The following SEC61A2 variants were observed in gnomAD, a reference collection of about 807,000 sequenced individuals.
SEC61A2 encodes the protein SEC61 translocon subunit alpha 2.
SEC61A2 carries 28 observed loss-of-function variants against 59.9 expected under a neutral mutation model. That is an observed-to-expected ratio of 0.47 (90% CI 0.35 to 0.64). The LOEUF (loss-of-function observed/expected upper bound fraction) is 0.64. Ranked by LOEUF, SEC61A2 falls within the 30% of genes least tolerant of loss-of-function variation. The pLI, the probability that SEC61A2 is intolerant of heterozygous loss-of-function variation, is 0.01. For missense variants in SEC61A2, 340 were observed against 585.9 expected (o/e 0.58, Z 4.33); for synonymous variants, 202 against 214.4 (o/e 0.94, Z 0.50).
rs992247309 is a variant in SEC61A2, at chr10:12,164,591, T to C, written c.*137T>C. Reference sequence around the variant, plus strand: ...AGTGCTGACTGACCCGTTTCTGAAATGGGCACCGAGCTAAGTCTGTGTGCA... The same window carrying C: ...AGTGCTGACTGACCCGTTTCTGAAACGGGCACCGAGCTAAGTCTGTGTGCA... On this transcript the variant is annotated 3_prime_UTR_variant, in exon 12 of 12. Coordinates refer to ENST00000298428, the MANE Select transcript of SEC61A2 (RefSeq NM_018144.4). This position sits in a 1 kb window ranked among gnomAD's most constrained non-coding sequence, Gnocchi z 7.3. 18 of 1,456,920 alleles carry C rather than the reference T, an allele frequency of 1.2e-5. No homozygotes were observed. In the African/African-American group the frequency reaches 1.7e-4, roughly 14 times the overall value. The allele number at this position is 1,456,920 out of a possible 1,614,324, so 90.2% of individuals were successfully genotyped here. A position where few individuals can be genotyped will look rare whatever the true frequency, so the allele number is the denominator to read the frequency against.
chr10:12,142,460 A>T lies in SEC61A2; in HGVS notation c.142-657A>T. ...TGAGTAAGCATAATTTTTAGTGGCC[A>T]TGTAATATTCCATTGTGGATATCAT... On this transcript the variant is annotated intron_variant, in intron 3 of 11. Coordinates refer to ENST00000298428, the MANE Select transcript of SEC61A2 (RefSeq NM_018144.4). This position sits in a 1 kb window ranked among gnomAD's most constrained non-coding sequence, Gnocchi z 5.4. The T allele has an allele frequency of 1.2e-6, 1 of 868,216 alleles. No homozygotes were observed. The highest frequency in any genetic ancestry group is 5.3e-5 in the South Asian group (1 of 18,960). The allele number at this position is 868,216 out of a possible 1,614,324, so 53.8% of individuals were successfully genotyped here.
Position 12,134,216 on chromosome 10 carries a change from C to A in SEC61A2, c.75+908C>A, listed in dbSNP as rs543031421. On this transcript the variant is annotated intron_variant, in intron 2 of 11. Transcript: ENST00000298428. ...TAGAGACGGGGTTTCACCGTGTTAG[C>A]CAGGATGGTCTCGATCTCCTGACCT... Among the ~76,000 whole-genome samples the A allele has an allele frequency of 2.0e-5, 3 of 152,272 alleles. No homozygotes were observed. The South Asian group carries it at 6.2e-4, about 32-fold the overall frequency.
rs1458153976 is a variant in SEC61A2, at chr10:12,156,589, ACT to A, written c.617-312_617-311del. Among the ~76,000 whole-genome samples, 1 of 152,104 alleles carries A rather than the reference ACT, an allele frequency of 6.6e-6. No homozygotes were observed. The highest frequency in any genetic ancestry group is 1.5e-5 in the Non-Finnish European group (1 of 68,022). On this transcript the variant is annotated intron_variant, in intron 7 of 11. Coordinates refer to ENST00000298428, the MANE Select transcript of SEC61A2 (RefSeq NM_018144.4). This position sits in a 1 kb window ranked among gnomAD's most constrained non-coding sequence, Gnocchi z 5.2. Reference sequence around the variant, plus strand: ...GCTGCTGTTTATTTTTCCTAAAAACACTCTCTCCCTTCCCTGAAGTAGAGGAG... The same window carrying A: ...GCTGCTGTTTATTTTTCCTAAAAACACTCTCCCTTCCCTGAAGTAGAGGAG...
Position 12,160,867 on chromosome 10 carries a change from A to T in SEC61A2, c.976-63A>T, listed in dbSNP as rs10906092. On this transcript the variant is annotated intron_variant, in intron 9 of 11. Coordinates refer to ENST00000298428, the MANE Select transcript of SEC61A2 (RefSeq NM_018144.4). The surrounding 1 kb of genome is among the most constrained non-coding windows in gnomAD (Gnocchi z 4.1). Reference sequence around the variant, plus strand: ...TGTCATTTCTGAGAAGTTTGAAGTGACATGCAAATGTATTCCTGACTAATT... The same window carrying T: ...TGTCATTTCTGAGAAGTTTGAAGTGTCATGCAAATGTATTCCTGACTAATT... 570,259 of 1,356,950 alleles carry T rather than the reference A, an allele frequency of 0.42. 122,001 individuals are homozygous for T. The highest frequency in any genetic ancestry group is 0.52 in the East Asian group (21,874 of 42,322). The allele number at this position is 1,356,950 out of a possible 1,614,324, so 84.1% of individuals were successfully genotyped here.
Position 12,155,145 on chromosome 10 carries a change from ACC to A in SEC61A2, c.463-632_463-631del. Among the ~76,000 whole-genome samples the A allele has an allele frequency of 6.6e-6, 1 of 152,332 alleles. No homozygotes were observed. Among genetic ancestry groups the A allele is most frequent in the South Asian group, 2.1e-4 (1 of 4,824 alleles). Reference sequence around the variant, plus strand: ...TAAAAACAATATGAGCTTAACCTTAACCGTCTTCAAATTTACATTCAATCTTT... The same window carrying A: ...TAAAAACAATATGAGCTTAACCTTAAGTCTTCAAATTTACATTCAATCTTT... On this transcript the variant is annotated intron_variant, in intron 6 of 11. Transcript: ENST00000298428. The surrounding 1 kb of genome is among the most constrained non-coding windows in gnomAD (Gnocchi z 4.3).
At chr10:12,169,360 T>A, downstream of SEC61A2, 1 of 1,429,814 alleles carries the variant, frequency 7.0e-7, no homozygotes. This position sits in a 1 kb window ranked among gnomAD's most constrained non-coding sequence, Gnocchi z 4.8. Flanking sequence ...CACACTTGCC[T>A]ACGTCACCCT....
chr10:12,149,527 C>T lies in SEC61A2; in HGVS notation c.221-68C>T, dbSNP rs41291291. 0.12 allele frequency: 174,713 copies of T among 1,444,758 alleles called. 11,574 individuals carry two copies. Among genetic ancestry groups the T allele is most frequent in the Admixed American group, 0.13 (5,500 of 40,794 alleles). The allele number at this position is 1,444,758 out of a possible 1,614,324, so 89.5% of individuals were successfully genotyped here. Reference sequence around the variant, plus strand: ...TTTCAGTTGAGGTAATTAGGGAGTGCGACACCTCTAAATCAGTTTGTATCG... The same window carrying T: ...TTTCAGTTGAGGTAATTAGGGAGTGTGACACCTCTAAATCAGTTTGTATCG... On this transcript the variant is annotated intron_variant, in intron 4 of 11. Transcript: ENST00000298428. This position sits in a 1 kb window ranked among gnomAD's most constrained non-coding sequence, Gnocchi z 5.2.
intron 1 of SEC61A2, among the ~76,000 whole-genome samples, chr10:12,131,219 T>C (rs78878898): frequency 0.013 from 2,026 of 152,276 alleles, 33 homozygotes; most frequent in Non-Finnish European, 0.018. Flanking sequence ...TTGTAGAGGC[T>C]TTTTTAAAAA....
At chr10:12,135,609 C>T (rs1564406831) in intron 2 of SEC61A2, among the ~76,000 whole-genome samples, 2 of 152,154 alleles carry the variant, frequency 1.3e-5, no homozygotes, top group African/African-American at 2.4e-5. Context: ...TCCATCTTTT[C>T]CTGCCACCCC....
At chr10:12,157,589 G>A (rs375954652) in intron 8 of SEC61A2, among the ~76,000 whole-genome samples, 9 of 145,140 alleles carry the variant, frequency 6.2e-5, no homozygotes, top group Admixed American at 5.8e-4. Context: ...TGCAACCTCC[G>A]CCTCCTGGGT....
chr10:12,151,280 T>C (rs1554798984), intron 6 of SEC61A2, among the ~76,000 whole-genome samples: 1 of 150,868 alleles, frequency 6.6e-6, no homozygotes. Context: ...CTTTATGAAA[T>C]TGGGATTAGT....
Position 12,152,101 on chromosome 10 carries a change from C to T in SEC61A2, c.462+2140C>T, listed in dbSNP as rs566991971. On this transcript the variant is annotated intron_variant, in intron 6 of 11. Coordinates refer to ENST00000298428, the MANE Select transcript of SEC61A2 (RefSeq NM_018144.4). The surrounding 1 kb of genome is among the most constrained non-coding windows in gnomAD (Gnocchi z 5.5). ...TGACCAGGGCAGGAATTTTTTTTTT[C>T]GAGACGGAGTCCTGCTCTGTCTCCC... is the stretch of plus-strand genomic sequence containing the variant. Among the ~76,000 whole-genome samples the T allele has an allele frequency of 6.8e-5, 10 of 146,626 alleles. No homozygotes were observed. The South Asian group carries it at 8.7e-4, about 13-fold the overall frequency.
In SEC61A2 at chr10:12,161,973, CA is replaced by C. The variant is rs1588646779; in HGVS notation, c.1168-236del. On this transcript the variant is annotated intron_variant, in intron 10 of 11. Coordinates refer to ENST00000298428, the MANE Select transcript of SEC61A2 (RefSeq NM_018144.4). This position sits in a 1 kb window ranked among gnomAD's most constrained non-coding sequence, Gnocchi z 5.4. ...AGTGGTTTGCAACCCTCCTGCAAAACAAAATCTTGTTTGGTAATTGAAGAAG... is the reference window on the plus strand; with the variant it reads ...AGTGGTTTGCAACCCTCCTGCAAAACAAATCTTGTTTGGTAATTGAAGAAG... Among the ~76,000 whole-genome samples, 1 of 152,058 alleles carries C rather than the reference CA, an allele frequency of 6.6e-6. No homozygotes were observed. Among genetic ancestry groups the C allele is most frequent in the East Asian group, 1.9e-4 (1 of 5,204 alleles).
chr10:12,147,807 T>G (rs1216296967), intron 4 of SEC61A2, among the ~76,000 whole-genome samples: 3 of 152,216 alleles, frequency 2.0e-5, no homozygotes, highest in Non-Finnish European at 4.4e-5. Context: ...GGTCCATTTT[T>G]TTCTCTACTG....
Position 12,142,923 on chromosome 10 carries a change from A to T in SEC61A2, c.142-194A>T, listed in dbSNP as rs1424168154. 6.6e-6 allele frequency among the ~76,000 whole-genome samples: 1 copy of T among 151,750 alleles called. No individual in the cohort carries two copies. Among genetic ancestry groups the T allele is most frequent in the Admixed American group, 6.6e-5 (1 of 15,180 alleles). The stretch of plus-strand genomic sequence containing the variant: ...TAGTTTTTAAAAAAGTATTGCAAGC[A>T]GTAAGTGAATACCTTGTAAATTAAG... On this transcript the variant is annotated intron_variant, in intron 3 of 11. Transcript: ENST00000298428. This position sits in a 1 kb window ranked among gnomAD's most constrained non-coding sequence, Gnocchi z 5.4.
chr10:12,143,329 A>G lies in SEC61A2; in HGVS notation c.220+134A>G, dbSNP rs1427573550. ...CCTAGAAAAGCCTAGTATGTAGATA[A>G]TGACAACACCGTGTGATTAATGTAA... is the stretch of plus-strand genomic sequence containing the variant. On this transcript the variant is annotated intron_variant, in intron 4 of 11. Coordinates refer to ENST00000298428, the MANE Select transcript of SEC61A2 (RefSeq NM_018144.4). The surrounding 1 kb of genome is among the most constrained non-coding windows in gnomAD (Gnocchi z 4.8). The G allele has an allele frequency of 2.8e-6, 2 of 710,456 alleles. No individual in the cohort carries two copies. Among genetic ancestry groups the G allele is most frequent in the East Asian group, 2.5e-5 (1 of 40,260 alleles). The allele number at this position is 710,456 out of a possible 1,614,324, so 44.0% of individuals were successfully genotyped here. A position where few individuals can be genotyped will look rare whatever the true frequency, so the allele number is the denominator to read the frequency against.
rs975227306 is a variant in SEC61A2, at chr10:12,160,342, C to T, written c.976-588C>T. 2.0e-5 allele frequency among the ~76,000 whole-genome samples: 3 copies of T among 152,064 alleles called. No homozygotes were observed. Among genetic ancestry groups the T allele is most frequent in the African/African-American group, 7.2e-5 (3 of 41,408 alleles). On this transcript the variant is annotated intron_variant, in intron 9 of 11. Transcript: ENST00000298428. This position sits in a 1 kb window ranked among gnomAD's most constrained non-coding sequence, Gnocchi z 4.1. ...TCGCAACTAAAAATTGGTTTCTCAC[C>T]CCCTATCTGTATACCCCAAAACTTT...
Position 12,129,804 on chromosome 10 carries a change from G to T in SEC61A2, c.7+10G>T. On this transcript the variant is annotated intron_variant, in intron 1 of 11. Coordinates refer to ENST00000298428, the MANE Select transcript of SEC61A2 (RefSeq NM_018144.4). This position sits in a 1 kb window ranked among gnomAD's most constrained non-coding sequence, Gnocchi z 5.6. ...GCAGCAGCCATGGGCAGTGAGTAGC[G>T]GCGGCTGGAGCGGGGACTCTGGCTG... is the stretch of plus-strand genomic sequence containing the variant. 1 of 1,431,244 alleles carries T rather than the reference G, an allele frequency of 7.0e-7. No individual in the cohort carries two copies. The allele number at this position is 1,431,244 out of a possible 1,614,324, so 88.7% of individuals were successfully genotyped here. A position where few individuals can be genotyped will look rare whatever the true frequency, so the allele number is the denominator to read the frequency against.
intron 6 of SEC61A2, among the ~76,000 whole-genome samples, chr10:12,150,583 G>C (rs1229197645): frequency 6.6e-6 from 1 of 152,148 alleles, no homozygotes; most frequent in African/African-American, 2.4e-5. Context: ...TTTGCAATAA[G>C]GTATTGTGCC....
Sources: gnomAD v4.1 joint callset for allele counts (sites outside exome capture counted in the v4.1 genomes callset) on GRCh38, gnomAD v4.1.1 for gene constraint, Gnocchi (gnomAD v3.1) non-coding constraint, MANE v1.5 for transcripts, NCBI Gene and HGNC (gene_info 2026-07-23, HGNC 2026-07-21) for gene names.